Variants in CDH13 observed in about 807,000 individuals in gnomAD.
CDH13 encodes the protein cadherin 13.
Under a neutral mutation model 63.8 loss-of-function variants are expected in CDH13, and 24 were observed. The observed-to-expected ratio is 0.38, with a 90% CI of 0.27 to 0.53. CDH13 has a LOEUF of 0.53. Among genes scored for constraint, CDH13 ranks in the 20% least tolerant of loss-of-function variants. The pLI is 0.85. For missense variants in CDH13, 1,049 were observed against 903.1 expected (o/e 1.16, Z -2.07); for synonymous variants, 503 against 355.3 (o/e 1.42, Z -4.67).
intron 10 of CDH13, among the ~76,000 whole-genome samples, chr16:83,699,515 G>C (rs536956256): frequency 6.6e-6 from 1 of 152,160 alleles, no homozygotes; most frequent in African/African-American, 2.4e-5. Context: ...CTGGCTTCAA[G>C]CTTCCACTTC....
intron 2 of CDH13, among the ~76,000 whole-genome samples, chr16:83,004,006 G>A (rs1275907621): frequency 1.3e-5 from 2 of 152,100 alleles, no homozygotes; most frequent in African/African-American, 4.8e-5. Flanking sequence ...CAAGACAATC[G>A]AATGTGTCAG....
intron 6 of CDH13, among the ~76,000 whole-genome samples, chr16:83,395,768 A>G (rs947871555): frequency 1.8e-4 from 28 of 152,210 alleles, no homozygotes; most frequent in African/African-American, 5.5e-4. Flanking sequence ...CTTTGTGACC[A>G]TGGGAAGTTA....
At chr16:83,020,696 C>G (rs888620964) in intron 2 of CDH13, among the ~76,000 whole-genome samples, 18 of 152,338 alleles carry the variant, frequency 1.2e-4, no homozygotes, top group South Asian at 6.2e-4. Flanking sequence ...GTGTTCCTCT[C>G]TCTCTTTCTC....
intron 4 of CDH13, among the ~76,000 whole-genome samples, chr16:83,184,456 G>C (rs528174957): frequency 6.6e-6 from 1 of 152,118 alleles, no homozygotes; most frequent in African/African-American, 2.4e-5. Context: ...AAGGCTTGAC[G>C]TAGATGTGAG....
At chr16:82,869,422 G>A (rs2040267681) in intron 2 of CDH13, among the ~76,000 whole-genome samples, 1 of 151,534 alleles carries the variant, frequency 6.6e-6, no homozygotes, top group Non-Finnish European at 1.5e-5. Flanking sequence ...CAAGGAGTTT[G>A]ATATGTAACT....
At chr16:83,049,661 C>T (rs1032124175) in intron 3 of CDH13, among the ~76,000 whole-genome samples, 5 of 152,100 alleles carry the variant, frequency 3.3e-5, no homozygotes, top group Non-Finnish European at 7.3e-5. Flanking sequence ...CAAGGTTCAT[C>T]CACATTATAG....
chr16:83,164,332 C>T (rs936380811), intron 4 of CDH13, among the ~76,000 whole-genome samples: 1 of 151,862 alleles, frequency 6.6e-6, no homozygotes, highest in African/African-American at 2.4e-5. Flanking sequence ...CATCACACAC[C>T]ACACATCACA....
intron 1 of CDH13, among the ~76,000 whole-genome samples, chr16:82,822,013 C>G (rs2038027019): frequency 6.6e-6 from 1 of 152,128 alleles, no homozygotes; most frequent in African/African-American, 2.4e-5. Flanking sequence ...TTAGTAATGC[C>G]TATGGCTATT....
intron 6 of CDH13, among the ~76,000 whole-genome samples, chr16:83,482,976 G>A (rs2073806749): frequency 6.6e-6 from 1 of 152,170 alleles, no homozygotes; most frequent in African/African-American, 2.4e-5. Flanking sequence ...ATAATGCAAG[G>A]CTTCCTCTCT....
intron 2 of CDH13, among the ~76,000 whole-genome samples, chr16:82,952,728 C>G (rs1424329023): frequency 1.3e-5 from 2 of 152,224 alleles, no homozygotes; most frequent in Non-Finnish European, 2.9e-5. Flanking sequence ...CTGCAGCCCA[C>G]TGGCCCCTCC....
chr16:83,476,442 G>A (rs1322811461), intron 6 of CDH13, among the ~76,000 whole-genome samples: 1 of 152,312 alleles, frequency 6.6e-6, no homozygotes, highest in Non-Finnish European at 1.5e-5. Flanking sequence ...AGAGGCCAAG[G>A]TGGGCAGATC....
intron 3 of CDH13, among the ~76,000 whole-genome samples, chr16:83,049,426 C>T (rs1437553457): frequency 2.6e-5 from 4 of 150,974 alleles, no homozygotes; most frequent in African/African-American, 9.8e-5. Flanking sequence ...GCTCCACCTC[C>T]TGGGTTCAGG....
chr16:83,533,618 C>CTTTTTTTTTTT (rs11365656), intron 7 of CDH13, among the ~76,000 whole-genome samples: 2 of 116,104 alleles, frequency 1.7e-5, no homozygotes, highest in Non-Finnish European at 3.4e-5. Flanking sequence ...TTTACATTAT[C>CTTTTTTTTTTT]TTTTTTTTTT....
At chr16:83,078,399 G>C (rs2033004334) in intron 3 of CDH13, among the ~76,000 whole-genome samples, 1 of 152,188 alleles carries the variant, frequency 6.6e-6, no homozygotes, top group Non-Finnish European at 1.5e-5. Flanking sequence ...GCGTTTGTTA[G>C]ATTCTCATAA....
At chr16:82,929,290 A>G (rs946007363) in intron 2 of CDH13, among the ~76,000 whole-genome samples, 8 of 152,046 alleles carry the variant, frequency 5.3e-5, no homozygotes, top group African/African-American at 1.9e-4. Context: ...CTCTCAGGAT[A>G]TTATGAGATT....
chr16:83,422,269 T>C (rs1264865655), intron 6 of CDH13, among the ~76,000 whole-genome samples: 2 of 152,192 alleles, frequency 1.3e-5, no homozygotes, highest in African/African-American at 4.8e-5. Context: ...GAACTAAAAA[T>C]CATATTAATA....
rs186303510 is a variant in CDH13, at chr16:82,706,511, G to T, written c.45+79374G>T. Among the ~76,000 whole-genome samples, 3 of 152,182 alleles carry T rather than the reference G, an allele frequency of 2.0e-5. No individual in the cohort carries two copies. The East Asian group carries it at 5.8e-4, about 29-fold the overall frequency. ...CAAGGAGTTTTTTCTGCAAAGTGCT[G>T]GTAGGAGTTTACAGTTCTCTGTAAT... On this transcript the variant is annotated intron_variant, in intron 1 of 13. Transcript: ENST00000567109.
intron 4 of CDH13, among the ~76,000 whole-genome samples, chr16:83,156,719 T>C (rs1355139448): frequency 6.6e-6 from 1 of 152,190 alleles, no homozygotes; most frequent in African/African-American, 2.4e-5. Context: ...ACAGCATTCA[T>C]TTTTGCTGAA....
intron 1 of CDH13, among the ~76,000 whole-genome samples, chr16:82,776,862 C>T (rs553250728): frequency 6.6e-6 from 1 of 152,156 alleles, no homozygotes; most frequent in Non-Finnish European, 1.5e-5. Context: ...TGCACAGAAC[C>T]AAAGCCCTGG....
Sources: gnomAD v4.1 joint callset for allele counts (sites outside exome capture counted in the v4.1 genomes callset) on GRCh38, gnomAD v4.1.1 for gene constraint, MANE v1.5 for transcripts, NCBI Gene and HGNC (gene_info 2026-07-23, HGNC 2026-07-21) for gene names.